Variants in ARHGAP26 observed in about 807,000 individuals in gnomAD.
ARHGAP26 encodes the protein Rho GTPase activating protein 26, also known as rho GTPase-activating protein 26.
Under a neutral mutation model 104.8 loss-of-function variants are expected in ARHGAP26, and 38 were observed. That is an observed-to-expected ratio of 0.36 (90% CI 0.28 to 0.48). The LOEUF is 0.48. Among genes scored for constraint, ARHGAP26 ranks in the 20% least tolerant of loss-of-function variants. The pLI, the probability that ARHGAP26 is intolerant of heterozygous loss-of-function variation, is 0.99. For synonymous variants in ARHGAP26, 341 were observed against 340.0 expected (o/e 1.00, Z -0.03); for missense variants, 704 against 947.9 (o/e 0.74, Z 3.38).
rs549584447 is a variant in ARHGAP26 at position 142,988,701 on chromosome 5, C to T, written c.1108-25379C>T. Among the ~76,000 whole-genome samples the T allele has an allele frequency of 1.7e-4, 26 of 152,276 alleles. No individual in the cohort carries two copies. In the South Asian group the frequency reaches 5.4e-3, roughly 32 times the overall value. On this transcript the variant is annotated intron_variant, in intron 11 of 22. Transcript: ENST00000645722. ...TTCTGGTATGTTGTGTCTTTGTTCT[C>T]ATTGGTTTCAAAGAACATCTTTATT...
intron 1 of ARHGAP26, among the ~76,000 whole-genome samples, chr5:142,777,869 G>A (rs1412306585): frequency 6.6e-6 from 1 of 152,206 alleles, no homozygotes; most frequent in African/African-American, 2.4e-5. Flanking sequence ...AAAGGACTTA[G>A]AGTTTTATTC....
chr5:143,078,001 C>T (rs1789278262), intron 17 of ARHGAP26, among the ~76,000 whole-genome samples: 2 of 152,156 alleles, frequency 1.3e-5, no homozygotes, highest in African/African-American at 2.4e-5. Flanking sequence ...CTCTGCATGC[C>T]CTCTCCTATA....
chr5:142,800,153 A>G (rs1761777703), intron 1 of ARHGAP26, among the ~76,000 whole-genome samples: 1 of 152,214 alleles, frequency 6.6e-6, no homozygotes, highest in African/African-American at 2.4e-5. Context: ...AAAAATCCAG[A>G]CTAAGTTTCT....
intron 12 of ARHGAP26, among the ~76,000 whole-genome samples, chr5:143,017,952 T>G (rs1426994345): frequency 6.6e-6 from 1 of 152,172 alleles, no homozygotes; most frequent in Admixed American, 6.5e-5. Context: ...GAGTGGTCGA[T>G]CCGCAGTCCC....
chr5:143,214,448 C>G (rs903350125), intron 22 of ARHGAP26, among the ~76,000 whole-genome samples: 1 of 152,218 alleles, frequency 6.6e-6, no homozygotes. Flanking sequence ...TAAGCATTCA[C>G]TAAATTAATA....
chr5:142,812,968 C>T (rs1345730919), intron 1 of ARHGAP26, among the ~76,000 whole-genome samples: 2 of 144,438 alleles, frequency 1.4e-5, no homozygotes, highest in Non-Finnish European at 3.0e-5. Flanking sequence ...GAAGGAGTCT[C>T]ACTCTGTTGC....
chr5:142,879,587 T>TA, intron 4 of ARHGAP26, 142 bp downstream of exon 4: 1 of 754,936 alleles, frequency 1.3e-6, no homozygotes, highest in Non-Finnish European at 2.1e-6. Context: ...CAGAAAACTC[T>TA]ATAGAGCCCA....
chr5:142,888,780 C>A (rs1351198895), intron 5 of ARHGAP26, among the ~76,000 whole-genome samples: 2 of 152,212 alleles, frequency 1.3e-5, no homozygotes, highest in South Asian at 4.1e-4. Context: ...ACTCACTGGA[C>A]GCTTCTGTAA....
chr5:142,836,101 C>T (rs952381001), intron 1 of ARHGAP26, among the ~76,000 whole-genome samples: 2 of 152,184 alleles, frequency 1.3e-5, no homozygotes, highest in African/African-American at 4.8e-5. Context: ...TGTCTGGATT[C>T]TTGGAGAGCA....
rs528579251 is a variant in ARHGAP26, at chr5:142,805,153, A to C, written c.154+34238A>C. On this transcript the variant is annotated intron_variant, in intron 1 of 22. Transcript: ENST00000645722. ...AGTTTCACCCTTTTCGCCAGGCTGGAGTGCAGTGGCGCAATCTCGGCTCAC... is the reference window on the plus strand; with the variant it reads ...AGTTTCACCCTTTTCGCCAGGCTGGCGTGCAGTGGCGCAATCTCGGCTCAC... 4.4e-5 allele frequency among the ~76,000 whole-genome samples: 6 copies of C among 137,092 alleles called. No homozygotes were observed. The East Asian group carries it at 1.3e-3, about 29-fold the overall frequency. The allele number at this position is 137,092 out of a possible 152,430, so 89.9% of individuals were successfully genotyped here.
At chr5:143,026,443 C>G (rs1025591620) in intron 12 of ARHGAP26, among the ~76,000 whole-genome samples, 26 of 152,152 alleles carry the variant, frequency 1.7e-4, no homozygotes, top group African/African-American at 6.3e-4. Context: ...GGAAAGGTCT[C>G]TCTAAAGAGG....
chr5:143,189,905 G>C (rs1805675695), intron 20 of ARHGAP26, among the ~76,000 whole-genome samples: 1 of 152,028 alleles, frequency 6.6e-6, no homozygotes, highest in Admixed American at 6.6e-5. Flanking sequence ...CATGTACTAG[G>C]TGCTAAGTAA....
chr5:143,015,598 A>T (rs1000426080), intron 12 of ARHGAP26, among the ~76,000 whole-genome samples: 1 of 152,194 alleles, frequency 6.6e-6, no homozygotes, highest in African/African-American at 2.4e-5. Context: ...AGTTTCCCAG[A>T]GGGAAATCAG....
intron 5 of ARHGAP26, among the ~76,000 whole-genome samples, chr5:142,886,413 C>G (rs1014955310): frequency 4.6e-5 from 7 of 152,156 alleles, no homozygotes; most frequent in Admixed American, 1.3e-4. Context: ...GTGGTGTTCT[C>G]AGAACTCTTT....
chr5:143,189,424 C>T (rs1285947390), intron 20 of ARHGAP26, among the ~76,000 whole-genome samples: 5 of 152,184 alleles, frequency 3.3e-5, no homozygotes, highest in Non-Finnish European at 5.9e-5. Context: ...ATTACACCCA[C>T]ACACCCTCCC....
chr5:143,073,710 A>G (rs568441021), intron 17 of ARHGAP26, among the ~76,000 whole-genome samples: 1 of 152,358 alleles, frequency 6.6e-6, no homozygotes, highest in Non-Finnish European at 1.5e-5. Flanking sequence ...ACTGCAGTCA[A>G]GGAAAACTGT....
intron 10 of ARHGAP26, among the ~76,000 whole-genome samples, chr5:142,925,195 C>T (rs992568455): frequency 5.3e-5 from 8 of 152,128 alleles, no homozygotes; most frequent in African/African-American, 1.4e-4. Flanking sequence ...TCTGTTCTGC[C>T]GCAGTCCCCA....
At chr5:142,843,637 G>GT (rs570642006) in intron 1 of ARHGAP26, among the ~76,000 whole-genome samples, 254 of 151,316 alleles carry the variant, frequency 1.7e-3, no homozygotes, top group Non-Finnish European at 3.2e-3. Context: ...CTTATGGCGT[G>GT]TTTTTTTTTG....
At chr5:143,207,040 G>A (rs140311051) in intron 20 of ARHGAP26, among the ~76,000 whole-genome samples, 158 bp from the exon 21 acceptor site, 2 of 152,340 alleles carry the variant, frequency 1.3e-5, no homozygotes, top group African/African-American at 4.8e-5. Flanking sequence ...TGGAGATTTG[G>A]TCTGGAGGAA....
Sources: allele counts gnomAD v4.1 joint callset (sites outside exome capture counted in the v4.1 genomes callset), GRCh38; gene constraint gnomAD v4.1.1; transcripts MANE v1.5; gene names NCBI Gene and HGNC (gene_info 2026-07-23, HGNC 2026-07-21).